IRAG2: variants seen among roughly 807,000 people sequenced by gnomAD.
IRAG2 encodes the protein lymphoid restricted membrane protein.
IRAG2 carries 45 observed loss-of-function variants against 69.9 expected under a neutral mutation model. That is an observed-to-expected ratio of 0.64 (90% CI 0.51 to 0.83). The LOEUF is 0.83. Ranked by LOEUF, IRAG2 falls within the 40% of genes least tolerant of loss-of-function variation. The probability of loss-of-function intolerance (pLI) is 0.00; values close to 1 mark genes in which losing one functional copy is unlikely to be tolerated. For missense variants in IRAG2, 520 were observed against 587.0 expected (o/e 0.89, Z 1.18); for synonymous variants, 193 against 202.4 (o/e 0.95, Z 0.40).
intron 3 of IRAG2, among the ~76,000 whole-genome samples, chr12:25,014,211 AAT>A (rs1439427908): frequency 6.6e-6 from 1 of 151,648 alleles, no homozygotes; most frequent in Admixed American, 6.6e-5. Context: ...ATATTTCCAA[AAT>A]ATATGTTTGT....
chr12:25,012,203 G>T (rs1313439484), intron 3 of IRAG2, among the ~76,000 whole-genome samples: 3 of 141,394 alleles, frequency 2.1e-5, no homozygotes, highest in Non-Finnish European at 4.5e-5. Context: ...TGCCCAGGCT[G>T]GAATACAGTG....
At chr12:25,046,847 A>G (rs887136838) in intron 16 of IRAG2, among the ~76,000 whole-genome samples, 1 of 152,200 alleles carries the variant, frequency 6.6e-6, no homozygotes, top group African/African-American at 2.4e-5. Flanking sequence ...TTATGGAACC[A>G]TGAGGGACCC....
chr12:24,998,131 T>C, the IRAG2 span, among the ~76,000 whole-genome samples: 1 of 152,232 alleles, frequency 6.6e-6, no homozygotes, highest in Non-Finnish European at 1.5e-5. Flanking sequence ...AGACTTCATA[T>C]AACAAGAAGT....
intron 16 of IRAG2, among the ~76,000 whole-genome samples, chr12:25,041,703 T>A (rs1944750978): frequency 6.6e-6 from 1 of 150,970 alleles, no homozygotes; most frequent in Non-Finnish European, 1.5e-5. Flanking sequence ...GATGGGGTTT[T>A]GCTGTGTTGG....
chr12:25,048,029 G>A (rs1056717983), upstream of IRAG2, among the ~76,000 whole-genome samples: 2 of 152,140 alleles, frequency 1.3e-5, no homozygotes, highest in Non-Finnish European at 2.9e-5. Flanking sequence ...AGATCTTTGA[G>A]GAATTACCAC....
chr12:25,030,501 C>A (rs1188213342), intron 10 of IRAG2, among the ~76,000 whole-genome samples: 1 of 152,150 alleles, frequency 6.6e-6, no homozygotes, highest in Non-Finnish European at 1.5e-5. Context: ...ATTCTCCTGC[C>A]TCAGCCTCCT....
intron 15 of IRAG2, among the ~76,000 whole-genome samples, chr12:25,098,935 T>G (rs1355011926): frequency 6.6e-6 from 1 of 152,170 alleles, no homozygotes; most frequent in Non-Finnish European, 1.5e-5. Context: ...TTCCTCTTCC[T>G]GGAAATGCTT....
In IRAG2 at chr12:25,090,191, A is replaced by G. The variant is rs925562225; in HGVS notation, c.600A>G (p.Leu200=). The change falls in exon 14 of 22, where the codon CTA becomes CTG. Residue 200 remains leucine, a synonymous_variant. Transcript: ENST00000556887. ...LKKEITNCLK[L]LESLTPLCED... is the part of the protein sequence containing the mutation. ...AAGAAATCACTAACTGTTTAAAACT[A>G]TTAGAGGTGAGAATCAGAACATTTG... The G allele has an allele frequency of 1.9e-6, 3 of 1,613,388 alleles. No homozygotes were observed. The highest frequency in any genetic ancestry group is 2.5e-6 in the Non-Finnish European group (3 of 1,179,528).
intron 6 of IRAG2, among the ~76,000 whole-genome samples, chr12:25,017,499 C>T (rs546504794): frequency 1.2e-4 from 18 of 152,236 alleles, no homozygotes; most frequent in Admixed American, 2.0e-4. Flanking sequence ...AAGTGAATCA[C>T]TTGAGATCAA....
rs1565590922 is a variant in IRAG2, at chr12:25,102,235, C to T, written c.927C>T (p.Asn309=). The T allele has an allele frequency of 6.2e-7, 1 of 1,612,322 alleles. No individual in the cohort carries two copies. The highest frequency in any genetic ancestry group is 8.5e-7 in the Non-Finnish European group (1 of 1,178,754). Residue 309 remains asparagine, a synonymous_variant, in exon 17 of 22, where the codon AAC becomes AAT. Transcript: ENST00000556887. ...CQIKKRSASL[N]SKPSSLRRVT... is the part of the protein sequence containing the mutation. Reference sequence around the variant, plus strand: ...TTAAAAAACGTTCAGCTTCTCTAAACTCCAAGGTAATTACTAATTCACTTA... The same window carrying T: ...TTAAAAAACGTTCAGCTTCTCTAAATTCCAAGGTAATTACTAATTCACTTA...
At chr12:25,063,109 CT>C (rs1945732090) in intron 3 of IRAG2, among the ~76,000 whole-genome samples, 1 of 152,214 alleles carries the variant, frequency 6.6e-6, no homozygotes, top group Non-Finnish European at 1.5e-5. Context: ...GTCGCCCAGG[CT>C]GGAGTGCAGT....
At chr12:25,068,213 C>G (rs1393836597) in intron 5 of IRAG2, among the ~76,000 whole-genome samples, 1 of 152,158 alleles carries the variant, frequency 6.6e-6, no homozygotes, top group Non-Finnish European at 1.5e-5. Flanking sequence ...TCAAGTGATC[C>G]TCCCATCTCA....
At chr12:25,043,714 C>T (rs1041891814) in intron 16 of IRAG2, among the ~76,000 whole-genome samples, 1 of 152,164 alleles carries the variant, frequency 6.6e-6, no homozygotes, top group Non-Finnish European at 1.5e-5. Context: ...CCCTGGCCTC[C>T]AGAATCTCTT....
chr12:25,041,397 GT>G (rs1219157922), intron 16 of IRAG2, among the ~76,000 whole-genome samples: 4 of 152,106 alleles, frequency 2.6e-5, no homozygotes, highest in African/African-American at 9.7e-5. Context: ...TGTGATTTGT[GT>G]TTTGAAAGAT....
At chr12:25,004,983 T>C in intron 1 of IRAG2, 1 of 987,910 alleles carries the variant, frequency 1.0e-6, no homozygotes, top group Middle Eastern at 3.7e-4. Flanking sequence ...TTAGAATACC[T>C]GAACTAAAAA....
Position 25,090,182 on chromosome 12 carries a change from TTTAAAAC to T in IRAG2, c.593_599del (p.Leu198TyrfsTer2), listed in dbSNP as rs763947499. ...ATTTGAAGAAAGAAATCACTAACTGTTTAAAACTATTAGAGGTGAGAATCAGAACATT... is the reference window on the plus strand; with the variant it reads ...ATTTGAAGAAAGAAATCACTAACTGTTATTAGAGGTGAGAATCAGAACATT... On this transcript the variant is annotated frameshift_variant, in exon 14 of 22. Transcript: ENST00000556887. LOFTEE classifies it high-confidence loss of function. 1 of 1,613,652 alleles carries T rather than the reference TTTAAAAC, an allele frequency of 6.2e-7. No homozygotes were observed. The highest frequency in any genetic ancestry group is 1.7e-5 in the Admixed American group (1 of 59,984).
intron 6 of IRAG2, among the ~76,000 whole-genome samples, chr12:25,076,901 G>A (rs1315236227): frequency 6.7e-6 from 1 of 149,356 alleles, no homozygotes; most frequent in Non-Finnish European, 1.5e-5. Flanking sequence ...TTTAAAGCAG[G>A]GTCTTGCCCT....
At chr12:25,010,878 G>C (rs1197679205) in intron 2 of IRAG2, among the ~76,000 whole-genome samples, 1 of 152,150 alleles carries the variant, frequency 6.6e-6, no homozygotes, top group Non-Finnish European at 1.5e-5. Flanking sequence ...TAGTAGGGAT[G>C]ACTGTCTAAA....
chr12:24,999,426 A>C (rs1944374882), upstream of IRAG2, among the ~76,000 whole-genome samples: 1 of 152,226 alleles, frequency 6.6e-6, no homozygotes, highest in African/African-American at 2.4e-5. Flanking sequence ...ATGGAACAAG[A>C]TAATTGAGGC....
Sources: allele counts gnomAD v4.1 joint callset (sites outside exome capture counted in the v4.1 genomes callset), GRCh38; gene constraint gnomAD v4.1.1; transcripts MANE v1.5; gene names NCBI Gene and HGNC (gene_info 2026-07-23, HGNC 2026-07-21).